Variants in RORA observed in about 807,000 individuals in gnomAD.
The protein encoded by RORA is RAR related orphan receptor A.
Under a neutral mutation model 69.5 loss-of-function variants are expected in RORA, and 7 were observed. The observed-to-expected ratio is 0.10, with a 90% CI of 0.06 to 0.19. The LOEUF (loss-of-function observed/expected upper bound fraction) is 0.19, where lower values mean the gene tolerates loss of function less well. Among genes scored for constraint, RORA ranks in the 10% least tolerant of loss-of-function variants. The pLI, the probability that RORA is intolerant of heterozygous loss-of-function variation, is 1.00. For synonymous variants in RORA, 261 were observed against 240.8 expected, an observed-to-expected ratio of 1.08 and a Z score of -0.78; for missense variants, 457 against 663.0, an observed-to-expected ratio of 0.69 and a Z score of 3.41.
At chr15:60,587,810 C>T (rs1370540663) in intron 2 of RORA, among the ~76,000 whole-genome samples, 2 of 152,116 alleles carry the variant, frequency 1.3e-5, no homozygotes, top group African/African-American at 4.8e-5. Context: ...ATGATGAGGG[C>T]TAACAAATTT....
intron 1 of RORA, among the ~76,000 whole-genome samples, chr15:61,009,658 T>C (rs1368530509): frequency 6.6e-6 from 1 of 152,178 alleles, no homozygotes; most frequent in Admixed American, 6.6e-5. Context: ...AATCTTGAAC[T>C]ACAATCCACA....
chr15:60,911,368 C>T (rs903653742), intron 1 of RORA, among the ~76,000 whole-genome samples: 3 of 152,092 alleles, frequency 2.0e-5, no homozygotes, highest in East Asian at 1.9e-4. Context: ...GCCATTTCCA[C>T]GGCCATGTTT....
At chr15:60,645,249 G>A (rs1461126940) in intron 2 of RORA, among the ~76,000 whole-genome samples, 1 of 151,802 alleles carries the variant, frequency 6.6e-6, no homozygotes, top group African/African-American at 2.4e-5. Context: ...GAAGGAAGGA[G>A]GAGAGGAGGA....
intron 1 of RORA, among the ~76,000 whole-genome samples, chr15:60,713,423 C>A (rs1181360228): frequency 1.3e-5 from 2 of 152,186 alleles, no homozygotes; most frequent in African/African-American, 4.8e-5. Flanking sequence ...TTGGTTCCTA[C>A]TGTCAGCATT....
At chr15:60,853,962 C>A (rs1469004784) in intron 1 of RORA, among the ~76,000 whole-genome samples, 1 of 152,142 alleles carries the variant, frequency 6.6e-6, no homozygotes, top group Non-Finnish European at 1.5e-5. Context: ...CGGAAAAGTT[C>A]TTAGTAAATG....
intron 1 of RORA, among the ~76,000 whole-genome samples, chr15:60,892,608 T>C (rs1384019818): frequency 6.6e-6 from 1 of 152,192 alleles, no homozygotes; most frequent in African/African-American, 2.4e-5. Flanking sequence ...ACAATCAAAA[T>C]GGATGCCTAC....
chr15:60,550,028 C>T (rs1419824939), intron 2 of RORA, among the ~76,000 whole-genome samples: 1 of 151,768 alleles, frequency 6.6e-6, no homozygotes, highest in Non-Finnish European at 1.5e-5. Context: ...CGCGGTGGCT[C>T]ACGCCTGTAA....
At position 60,928,692 on chromosome 15, in the gene RORA, G is replaced by GAC. The variant is rs754953457; in HGVS notation, c.167-250007_167-250006insGT. Among the ~76,000 whole-genome samples the GAC allele has an allele frequency of 6.2e-4, 94 of 152,314 alleles. 1 individual carries two copies. The highest frequency in any genetic ancestry group is 9.3e-4 in the Non-Finnish European group (63 of 68,030). The stretch of plus-strand genomic sequence containing the variant: ...GGCATCTGAAGCTCAGAGAGACAAA[G>GAC]TGACCGCCCTAAAGTCCCACAGCAT... On this transcript the variant is annotated intron_variant, in intron 1 of 10. Coordinates refer to ENST00000335670, the MANE Select transcript of RORA (RefSeq NM_134261.3).
intron 2 of RORA, among the ~76,000 whole-genome samples, chr15:60,669,783 T>C (rs1486032703): frequency 1.3e-5 from 2 of 152,228 alleles, no homozygotes; most frequent in African/African-American, 4.8e-5. Context: ...AATTGTGGTT[T>C]TTGCCATTGA....
chr15:60,917,148 G>T (rs1413110664), intron 1 of RORA, among the ~76,000 whole-genome samples: 2 of 152,100 alleles, frequency 1.3e-5, no homozygotes, highest in South Asian at 2.1e-4. Context: ...TCAGCCTTGG[G>T]CACCTACCCG....
chr15:60,700,345 C>T (rs933827668), intron 1 of RORA, among the ~76,000 whole-genome samples: 1 of 152,150 alleles, frequency 6.6e-6, no homozygotes, highest in South Asian at 2.1e-4. Flanking sequence ...AGTTGACCTT[C>T]GATCCTGTCT....
In RORA at chr15:61,139,629, G is replaced by A. The variant is rs552175280; in HGVS notation, c.166+89424C>T. 9.7e-4 allele frequency among the ~76,000 whole-genome samples: 147 copies of A among 152,256 alleles called. 1 individual carries two copies. The highest frequency in any genetic ancestry group is 2.8e-3 in the African/African-American group (116 of 41,552). On this transcript the variant is annotated intron_variant, in intron 1 of 10. Coordinates refer to ENST00000335670, the MANE Select transcript of RORA (RefSeq NM_134261.3). ...CTTCGTTCTCACTGTGGGGAGCAGA[G>A]CACTTCAGAGAAGCTGATGTGCTCG...
At chr15:60,754,182 T>C (rs936511210) in intron 1 of RORA, among the ~76,000 whole-genome samples, 7 of 152,252 alleles carry the variant, frequency 4.6e-5, no homozygotes, top group Admixed American at 3.9e-4. Flanking sequence ...TAGCATGAGG[T>C]ATTTTTATTT....
intron 1 of RORA, among the ~76,000 whole-genome samples, chr15:61,218,128 C>T (rs1052856201): frequency 9.9e-5 from 15 of 151,918 alleles, no homozygotes; most frequent in African/African-American, 3.6e-4. Context: ...ATAGAGCAAA[C>T]ACAATCACGC....
At chr15:60,695,045 T>C (rs940020844) in intron 1 of RORA, among the ~76,000 whole-genome samples, 4 of 152,142 alleles carry the variant, frequency 2.6e-5, no homozygotes, top group Admixed American at 1.3e-4. Flanking sequence ...AGTCAGGCAC[T>C]ATGTTAGGTG....
chr15:61,132,387 CT>C (rs1224482388), intron 1 of RORA, among the ~76,000 whole-genome samples: 2 of 152,042 alleles, frequency 1.3e-5, no homozygotes, highest in Admixed American at 6.6e-5. Flanking sequence ...ATTGTTCTTG[CT>C]GTTTACAAAG....
intron 1 of RORA, among the ~76,000 whole-genome samples, chr15:60,975,452 C>T (rs892122408): frequency 2.6e-5 from 4 of 152,076 alleles, no homozygotes; most frequent in South Asian, 2.1e-4. Context: ...CTCTGACAGA[C>T]CTTCTGGAAG....
At chr15:60,601,659 G>A (rs558767733) in intron 2 of RORA, among the ~76,000 whole-genome samples, 1 of 152,276 alleles carries the variant, frequency 6.6e-6, no homozygotes, top group African/African-American at 2.4e-5. Flanking sequence ...TTTCACTGCT[G>A]CTCTTTTCAC....
At chr15:61,165,202 A>G (rs974948585) in intron 1 of RORA, among the ~76,000 whole-genome samples, 2 of 152,124 alleles carry the variant, frequency 1.3e-5, no homozygotes, top group Admixed American at 6.5e-5. Context: ...CCACGTCAAC[A>G]CCACACCAGG....
Sources: gnomAD v4.1 joint callset for allele counts (sites outside exome capture counted in the v4.1 genomes callset) on GRCh38, gnomAD v4.1.1 for gene constraint, MANE v1.5 for transcripts, NCBI Gene and HGNC (gene_info 2026-07-23, HGNC 2026-07-21) for gene names.